TAS2R1: variants seen among roughly 807,000 people sequenced by gnomAD.
TAS2R1 encodes the protein taste receptor type 2 member 1.
For synonymous variants in TAS2R1, 141 were observed against 134.2 expected (o/e 1.05, Z -0.35); for missense variants, 370 against 353.4 (o/e 1.05, Z -0.38).
the TAS2R1 span, among the ~76,000 whole-genome samples, chr5:9,749,299 A>G: frequency 6.6e-6 from 1 of 152,178 alleles, no homozygotes; most frequent in Non-Finnish European, 1.5e-5. Flanking sequence ...AGCCATCACC[A>G]TTTGTGTAGA....
chr5:9,669,213 A>C (rs1740702734), intron 1 of TAS2R1, among the ~76,000 whole-genome samples: 1 of 152,194 alleles, frequency 6.6e-6, no homozygotes, highest in Non-Finnish European at 1.5e-5. Flanking sequence ...AGAAGACCTA[A>C]CTATCCTATA....
the TAS2R1 span, among the ~76,000 whole-genome samples, chr5:9,779,328 AC>A: frequency 6.6e-6 from 1 of 152,124 alleles, no homozygotes; most frequent in Non-Finnish European, 1.5e-5. Context: ...TTCCTATACA[AC>A]CTGCAAAACT....
chr5:9,746,827 A>C, the TAS2R1 span, among the ~76,000 whole-genome samples: 33 of 152,236 alleles, frequency 2.2e-4, no homozygotes, highest in South Asian at 3.9e-3. Context: ...GTGGGGCTTA[A>C]AACCTAGATG....
chr5:9,700,316 C>T (rs1169801175), intron 1 of TAS2R1, among the ~76,000 whole-genome samples: 1 of 152,082 alleles, frequency 6.6e-6, no homozygotes, highest in East Asian at 1.9e-4. Flanking sequence ...TATGTGTTTA[C>T]CTAGTTTCGT....
intron 1 of TAS2R1, among the ~76,000 whole-genome samples, chr5:9,663,806 G>A (rs1023811460): frequency 5.3e-5 from 8 of 152,162 alleles, no homozygotes; most frequent in Admixed American, 3.9e-4. Context: ...GGGTTACCCA[G>A]GTAAGCCCTA....
At chr5:9,812,471 G>A in the TAS2R1 span, among the ~76,000 whole-genome samples, 26 of 152,074 alleles carry the variant, frequency 1.7e-4, no homozygotes, top group Admixed American at 1.2e-3. Context: ...GGTAAGGGGG[G>A]CCAGAGATAA....
chr5:9,857,770 G>C, the TAS2R1 span, among the ~76,000 whole-genome samples: 1 of 151,988 alleles, frequency 6.6e-6, no homozygotes, highest in African/African-American at 2.4e-5. Context: ...AAAAAGTAGA[G>C]GCTTGTTCCA....
chr5:9,712,017 A>T (rs1734689478), intron 1 of TAS2R1, among the ~76,000 whole-genome samples: 1 of 81,324 alleles, frequency 1.2e-5, no homozygotes, highest in Non-Finnish European at 2.2e-5. Flanking sequence ...GAAAGAGAGA[A>T]GGAAGGAAGG....
the TAS2R1 span, among the ~76,000 whole-genome samples, chr5:9,892,774 A>C: frequency 2.8e-4 from 43 of 152,192 alleles, no homozygotes; most frequent in African/African-American, 9.9e-4. Context: ...CTGATAGAAG[A>C]AGCAGGCTAT....
chr5:9,801,915 C>A, the TAS2R1 span, among the ~76,000 whole-genome samples: 1 of 152,276 alleles, frequency 6.6e-6, no homozygotes, highest in East Asian at 1.9e-4. Context: ...ACATACCTAT[C>A]CCTGCCCCAA....
the TAS2R1 span, among the ~76,000 whole-genome samples, chr5:9,846,564 A>G: frequency 6.6e-6 from 1 of 152,330 alleles, no homozygotes; most frequent in Non-Finnish European, 1.5e-5. Context: ...GTGCATGCAC[A>G]TCTCCTATTA....
chr5:9,674,249 T>G (rs1285732355), intron 1 of TAS2R1, among the ~76,000 whole-genome samples: 1 of 152,182 alleles, frequency 6.6e-6, no homozygotes, highest in African/African-American at 2.4e-5. Flanking sequence ...TAGTCTTCAA[T>G]AAAGCAGTAT....
At chr5:9,852,607 G>A in the TAS2R1 span, among the ~76,000 whole-genome samples, 107,214 of 152,112 alleles carry the variant, frequency 0.7, 38,411 homozygotes, top group East Asian at 0.86. Flanking sequence ...CTGTGCACAC[G>A]TGTTAAGCAA....
rs56140715 is a variant in TAS2R1 at position 9,640,497 on chromosome 5, TAAAAAAAAAA to T, written c.-80-10515_-80-10506del. Among the ~76,000 whole-genome samples the T allele has an allele frequency of 7.6e-3, 449 of 59,062 alleles. 3 individuals carry two copies. Among genetic ancestry groups the T allele is most frequent in the African/African-American group, 0.026 (320 of 12,122 alleles). The allele number at this position is 59,062 out of a possible 152,430, so 38.7% of individuals were successfully genotyped here. ...GAATTGCCACAAACCTTCAATTCCT[TAAAAAAAAAA>T]AAAAAAAAAAAAAAACAGTACCTGT... On this transcript the variant is annotated intron_variant, in intron 2 of 2. Transcript: ENST00000506620.
chr5:9,740,480 G>A, the TAS2R1 span, among the ~76,000 whole-genome samples: 7 of 151,812 alleles, frequency 4.6e-5, no homozygotes, highest in East Asian at 3.9e-4. Flanking sequence ...CTTCACTCAC[G>A]CACTTCCCTC....
At chr5:9,682,412 C>A (rs1418031347) in intron 1 of TAS2R1, among the ~76,000 whole-genome samples, 1 of 152,144 alleles carries the variant, frequency 6.6e-6, no homozygotes, top group African/African-American at 2.4e-5. Context: ...AGCAGCCCTG[C>A]CTTGTGCTTT....
At chr5:9,789,585 G>A in the TAS2R1 span, among the ~76,000 whole-genome samples, 1 of 152,174 alleles carries the variant, frequency 6.6e-6, no homozygotes, top group African/African-American at 2.4e-5. Context: ...GTGAATTAAG[G>A]TATAGCAGGA....
chr5:9,771,709 A>G, the TAS2R1 span, among the ~76,000 whole-genome samples: 108,444 of 151,902 alleles, frequency 0.71, 39,123 homozygotes, highest in East Asian at 0.81. Flanking sequence ...AGTCTGTTCA[A>G]GTTTTGAATT....
At chr5:9,754,342 T>C in the TAS2R1 span, among the ~76,000 whole-genome samples, 2 of 152,154 alleles carry the variant, frequency 1.3e-5, no homozygotes, top group African/African-American at 2.4e-5. Flanking sequence ...CTTTGAAAAC[T>C]GGCACAAGAC....
Sources: gnomAD v4.1 joint callset for allele counts (sites outside exome capture counted in the v4.1 genomes callset) on GRCh38, gnomAD v4.1.1 for gene constraint, MANE v1.5 for transcripts, NCBI Gene and HGNC (gene_info 2026-07-23, HGNC 2026-07-21) for gene names.